Variants in CEP104 observed in about 807,000 individuals in gnomAD.
The protein encoded by CEP104 is centrosomal protein 104.
CEP104 carries 84 observed loss-of-function variants against 113.3 expected under a neutral mutation model. The observed-to-expected ratio is 0.74, with a 90% CI of 0.62 to 0.89. The LOEUF is 0.89. CEP104 is among the 40% of genes least tolerant of loss of function. CEP104 has a pLI of 0.00. For missense variants in CEP104, 1,053 were observed against 1,156.6 expected (o/e 0.91, Z 1.30); for synonymous variants, 378 against 421.7 (o/e 0.90, Z 1.27).
In CEP104 at chr1:3,813,261, T is replaced by TC. The variant is rs1216575132; in HGVS notation, c.*2140_*2141insG. On this transcript the variant is annotated 3_prime_UTR_variant, in exon 22 of 22. Transcript: ENST00000378230. ...GTTATTTCTCTCCTTATACTTTTTTTTTTTTTCGAGACGGAGTCTCGCTCT... is the reference window on the plus strand; with the variant it reads ...GTTATTTCTCTCCTTATACTTTTTTTCTTTTTTCGAGACGGAGTCTCGCTCT... The TC allele has an allele frequency of 6.9e-6, 1 of 145,148 alleles. No individual in the cohort carries two copies. The highest frequency in any genetic ancestry group is 2.6e-5 in the African/African-American group (1 of 37,768). The allele number at this position is 145,148 out of a possible 1,614,324, so 9.0% of individuals were successfully genotyped here. A position where few individuals can be genotyped will look rare whatever the true frequency, so the allele number is the denominator to read the frequency against.
intron 20 of CEP104, among the ~76,000 whole-genome samples, chr1:3,818,514 C>T (rs1029479203): frequency 3.3e-5 from 5 of 152,188 alleles, no homozygotes; most frequent in African/African-American, 1.2e-4. Flanking sequence ...TAGCTCTCTG[C>T]TACTACCCGA....
At chr1:3,828,311 C>T (rs544021553) in intron 15 of CEP104, among the ~76,000 whole-genome samples, 2 of 152,328 alleles carry the variant, frequency 1.3e-5, no homozygotes, top group Admixed American at 6.5e-5. Context: ...ATCCACACCA[C>T]GATGCGGACC....
chr1:3,829,951 G>A lies in CEP104; in HGVS notation c.1883C>T (p.Thr628Met), dbSNP rs148397021. Reference sequence around the variant, plus strand: ...CATGTCCAAAATAATTCGAACCGCCGTCTCGCGGACCTCATACACTCTATG... The same window carrying A: ...CATGTCCAAAATAATTCGAACCGCCATCTCGCGGACCTCATACACTCTATG... Reference protein sequence around the residue: ...LEHRVYEVRETAVRIILDMYR... With the variant: ...LEHRVYEVREMAVRIILDMYR... Residue 628 changes from threonine to methionine, a missense_variant, in exon 14 of 22, where the codon ACG becomes ATG. By Grantham distance (81) the Thr-to-Met change is moderately conservative. Coordinates refer to ENST00000378230, the MANE Select transcript of CEP104 (RefSeq NM_014704.4). 7.9e-5 allele frequency: 127 copies of A among 1,614,168 alleles called. No individual in the cohort carries two copies. The highest frequency in any genetic ancestry group is 7.5e-4 in the African/African-American group (56 of 75,036).
intron 20 of CEP104, among the ~76,000 whole-genome samples, chr1:3,820,528 G>GCGGGGCAGGACGGCGGCCTC: frequency 1.3e-5 from 2 of 152,360 alleles, no homozygotes; most frequent in African/African-American, 4.8e-5. Flanking sequence ...GCAGATGGAA[G>GCGGGGCAGGACGGCGGCCTC]TGGGGCAGGA....
At chr1:3,846,347 C>A (rs1236640583) in intron 4 of CEP104, among the ~76,000 whole-genome samples, 1 of 152,112 alleles carries the variant, frequency 6.6e-6, no homozygotes, top group African/African-American at 2.4e-5. Flanking sequence ...TGCAAAGGTT[C>A]AAGACAGGCA....
intron 7 of CEP104, 27 bp downstream of exon 7, chr1:3,839,581 A>G: frequency 6.3e-7 from 1 of 1,592,820 alleles, no homozygotes; most frequent in Non-Finnish European, 8.6e-7. Flanking sequence ...GGCATAAATT[A>G]GGAACTGTTT....
rs1644198134 is a variant in CEP104, at chr1:3,831,105, G to A, written c.1777C>T (p.Arg593Trp). The stretch of plus-strand genomic sequence containing the variant: ...CCAGTGCCCAGGTCTTTCAGCAGCC[G>A]GGCCAGGAGGCCCATCTGACTCATT... ...LAMSQMGLLA[R>W]LLKDLGTGSS... The change falls in exon 13 of 22, where the codon CGG becomes TGG. Residue 593 changes from arginine (R) to tryptophan (W), a missense_variant. Arg to Trp is a moderately radical substitution (Grantham distance 101). Transcript: ENST00000378230. 3 of 1,614,080 alleles carry A rather than the reference G, an allele frequency of 1.9e-6. No homozygotes were observed. The highest frequency in any genetic ancestry group is 1.1e-5 in the South Asian group (1 of 91,088).
chr1:3,818,223 T>C (rs973352388), intron 20 of CEP104, among the ~76,000 whole-genome samples: 9 of 152,142 alleles, frequency 5.9e-5, no homozygotes, highest in African/African-American at 2.2e-4. Flanking sequence ...GCCTGGGGCT[T>C]CTCCTCTGTC....
At chr1:3,839,894 T>C in intron 6 of CEP104, 118 bp from the exon 7 acceptor site, 1 of 804,258 alleles carries the variant, frequency 1.2e-6, no homozygotes, top group Non-Finnish European at 2.0e-6. Flanking sequence ...TCACAGAGCA[T>C]TTCCTGCATG....
At chr1:3,821,142 T>G (rs1321751814) in intron 20 of CEP104, among the ~76,000 whole-genome samples, 1 of 152,218 alleles carries the variant, frequency 6.6e-6, no homozygotes, top group Admixed American at 6.5e-5. Flanking sequence ...GAACCAGGCC[T>G]CTGTGCCCAG....
At chr1:3,816,470 C>T (rs148166196) in intron 20 of CEP104, 100 bp from the exon 21 acceptor site, 259 of 950,288 alleles carry the variant, frequency 2.7e-4, no homozygotes, top group Non-Finnish European at 3.6e-4. Context: ...AAAACGAGGG[C>T]GGCCGCTCCA....
chr1:3,851,204 C>T (rs1459662592), intron 2 of CEP104, among the ~76,000 whole-genome samples: 1 of 152,004 alleles, frequency 6.6e-6, no homozygotes, highest in African/African-American at 2.4e-5. Context: ...GCTGTCTGGC[C>T]CCTTCTGCTT....
chr1:3,817,507 C>T (rs564363821), intron 20 of CEP104, among the ~76,000 whole-genome samples: 40 of 152,246 alleles, frequency 2.6e-4, no homozygotes, highest in East Asian at 2.5e-3. Context: ...GATACTAGAG[C>T]GCTTGCAGCC....
intron 20 of CEP104, among the ~76,000 whole-genome samples, chr1:3,821,213 C>T (rs189800751): frequency 2.6e-5 from 4 of 152,358 alleles, no homozygotes; most frequent in East Asian, 3.9e-4. Flanking sequence ...TCTGAGGCTG[C>T]GTGGCTCTCA....
Position 3,849,406 on chromosome 1 carries a change from G to A in CEP104, c.114-625C>T, listed in dbSNP as rs557304994. Among the ~76,000 whole-genome samples the A allele has an allele frequency of 6.9e-4, 105 of 152,224 alleles. 1 individual carries two copies. The highest frequency in any genetic ancestry group is 2.2e-3 in the African/African-American group (92 of 41,544). On this transcript the variant is annotated intron_variant, in intron 2 of 21. Transcript: ENST00000378230. ...GCCTCCTGAGGAGTTGGGACCACAG[G>A]TGTGTGCCACTGTGCCTGGCTAAAA...
Position 3,826,454 on chromosome 1 carries a change from AT to A in CEP104, c.2189-19del, listed in dbSNP as rs769887935. 2 of 1,604,138 alleles carry A rather than the reference AT, an allele frequency of 1.2e-6. No homozygotes were observed. The highest frequency in any genetic ancestry group is 2.2e-5 in the South Asian group (2 of 89,772). On this transcript the variant is annotated intron_variant, in intron 16 of 21. Coordinates refer to ENST00000378230, the MANE Select transcript of CEP104 (RefSeq NM_014704.4). The stretch of plus-strand genomic sequence containing the variant: ...TTGAATGTCTGAAGAGATTAAAACA[AT>A]TTAAATAACTTTTTATAGAAATTAT...
chr1:3,846,789 G>C (rs527604757), intron 4 of CEP104, among the ~76,000 whole-genome samples: 21 of 152,280 alleles, frequency 1.4e-4, no homozygotes, highest in Admixed American at 6.5e-4. Context: ...CCTCTTGGAG[G>C]GGGCAGGGAG....
chr1:3,854,581 G>T (rs1644675905), intron 1 of CEP104, among the ~76,000 whole-genome samples: 1 of 151,010 alleles, frequency 6.6e-6, no homozygotes, highest in South Asian at 2.1e-4. Flanking sequence ...TGATTCTTGT[G>T]GTTCAGCCTC....
chr1:3,826,849 GT>G, intron 15 of CEP104, 105 bp from the exon 16 acceptor site: 1 of 1,239,722 alleles, frequency 8.1e-7, no homozygotes, highest in Non-Finnish European at 1.1e-6. Context: ...TCTGGGTTTT[GT>G]TTTAGAATTT....
Sources: allele counts gnomAD v4.1 joint callset (sites outside exome capture counted in the v4.1 genomes callset), GRCh38; gene constraint gnomAD v4.1.1; transcripts MANE v1.5; gene names NCBI Gene and HGNC (gene_info 2026-07-23, HGNC 2026-07-21).